AKAP9: variants seen among roughly 807,000 people sequenced by gnomAD.
The protein encoded by AKAP9 is A-kinase anchor protein 9.
Under a neutral mutation model 488.5 loss-of-function variants are expected in AKAP9, and 311 were observed. That is an observed-to-expected ratio of 0.64 (90% CI 0.58 to 0.70). The LOEUF (loss-of-function observed/expected upper bound fraction) is 0.70. AKAP9 is among the 30% of genes least tolerant of loss of function. The pLI is 0.00. For synonymous variants in AKAP9, 1,462 were observed against 1,483.5 expected (o/e 0.99, Z 0.33); for missense variants, 4,215 against 4,374.5 (o/e 0.96, Z 1.03).
intron 24 of AKAP9, chr7:92,063,446 T>TC (rs1554441340): frequency 3.3e-5 from 32 of 977,916 alleles, no homozygotes; most frequent in Admixed American, 6.2e-5. Flanking sequence ...TTTTTTTTTT[T>TC]TCTCTATTTT....
At chr7:91,997,306 G>A (rs946851455) in intron 7 of AKAP9, among the ~76,000 whole-genome samples, 6 of 152,156 alleles carry the variant, frequency 3.9e-5, no homozygotes, top group Non-Finnish European at 7.4e-5. Flanking sequence ...ATAAGTGTGG[G>A]CAAAAAGTGC....
At chr7:91,978,510 T>G (rs1035001736) in intron 2 of AKAP9, among the ~76,000 whole-genome samples, 1 of 152,162 alleles carries the variant, frequency 6.6e-6, no homozygotes, top group Non-Finnish European at 1.5e-5. Flanking sequence ...TCAGAAAATT[T>G]GGATTTGTTC....
chr7:91,972,933 T>G (rs1454665373), intron 1 of AKAP9, among the ~76,000 whole-genome samples: 1 of 152,220 alleles, frequency 6.6e-6, no homozygotes, highest in Admixed American at 6.5e-5. Flanking sequence ...TGAATAAGGC[T>G]GCAGTGACCA....
At chr7:92,044,248 A>T (rs1297284572) in intron 20 of AKAP9, among the ~76,000 whole-genome samples, 1 of 152,162 alleles carries the variant, frequency 6.6e-6, no homozygotes, top group South Asian at 2.1e-4. Flanking sequence ...TAAAATAAGG[A>T]TTACTTTTTA....
intron 37 of AKAP9, 94 bp from the exon 38 acceptor site, chr7:92,089,291 G>T: frequency 7.1e-7 from 1 of 1,416,194 alleles, no homozygotes; most frequent in South Asian, 1.2e-5. Context: ...ATTTTAGTAT[G>T]TGTGTTCCAT....
intron 3 of AKAP9, among the ~76,000 whole-genome samples, chr7:91,985,076 T>C (rs1452890862): frequency 1.3e-5 from 2 of 152,190 alleles, no homozygotes; most frequent in African/African-American, 2.4e-5. Flanking sequence ...CGATTTGACT[T>C]CCTCTTTTCC....
At chr7:91,963,875 G>T (rs1794090855) in intron 1 of AKAP9, among the ~76,000 whole-genome samples, 1 of 152,076 alleles carries the variant, frequency 6.6e-6, no homozygotes, top group Non-Finnish European at 1.5e-5. Flanking sequence ...TTATTTTTAT[G>T]ATAAATTTTC....
intron 1 of AKAP9, among the ~76,000 whole-genome samples, chr7:91,946,742 C>CT (rs1254916867): frequency 1.3e-5 from 2 of 152,106 alleles, no homozygotes; most frequent in African/African-American, 4.8e-5. Flanking sequence ...ACGTGATGCC[C>CT]TGTCAGTGAA....
intron 22 of AKAP9, among the ~76,000 whole-genome samples, chr7:92,054,063 G>A (rs138469363): frequency 6.6e-6 from 1 of 152,108 alleles, no homozygotes; most frequent in Non-Finnish European, 1.5e-5. Flanking sequence ...TATTTCTTAA[G>A]TGAATAATAT....
At position 92,099,756 on chromosome 7, in the gene AKAP9, C is replaced by T. The variant is rs925008570; in HGVS notation, c.10783C>T (p.Leu3595=). Residue 3595 remains leucine, a synonymous_variant, in exon 44 of 50, where the codon CTG becomes TTG. Transcript: ENST00000356239. ...AAGACTACTGAGACAAAATGCTGAGCTGACAGGGCATATCAGTCAACTGAC... is the reference window on the plus strand; with the variant it reads ...AAGACTACTGAGACAAAATGCTGAGTTGACAGGGCATATCAGTCAACTGAC... ...TERLLRQNAE[L]TGHISQLTEE... 1 of 1,614,120 alleles carries T rather than the reference C, an allele frequency of 6.2e-7. No homozygotes were observed. Among genetic ancestry groups the T allele is most frequent in the African/African-American group, 1.3e-5 (1 of 75,040 alleles).
At chr7:91,988,744 A>G (rs938304069) in intron 3 of AKAP9, among the ~76,000 whole-genome samples, 2 of 152,156 alleles carry the variant, frequency 1.3e-5, no homozygotes, top group African/African-American at 4.8e-5. Flanking sequence ...ATACTTCATC[A>G]CCTTTGAACT....
chr7:92,009,995 T>C (rs1800464581), intron 8 of AKAP9, among the ~76,000 whole-genome samples: 1 of 152,166 alleles, frequency 6.6e-6, no homozygotes, highest in Non-Finnish European at 1.5e-5. Flanking sequence ...TCCTCCCAAT[T>C]CAGCCTCCCA....
intron 2 of AKAP9, among the ~76,000 whole-genome samples, chr7:91,976,853 A>G (rs1343834341): frequency 6.6e-6 from 1 of 151,742 alleles, no homozygotes; most frequent in Non-Finnish European, 1.5e-5. Flanking sequence ...TCTTCGTTTT[A>G]TTGATATTCT....
At position 92,062,175 on chromosome 7, in the gene AKAP9, A is replaced by G. The variant is rs1584378153; in HGVS notation, c.5765-99A>G. 2.8e-6 allele frequency: 3 copies of G among 1,069,464 alleles called. No homozygotes were observed. The East Asian group carries it at 7.4e-5, about 26-fold the overall frequency. 66.2% of individuals were successfully genotyped at this position (1,069,464 alleles called of 1,614,324 possible). A position where few individuals can be genotyped will look rare whatever the true frequency, so the allele number is the denominator to read the frequency against. On this transcript the variant is annotated intron_variant, in intron 23 of 49. Coordinates refer to ENST00000356239, the MANE Select transcript of AKAP9 (RefSeq NM_005751.5). ...CTTTTAATAGGTTGGAATGATGGAA[A>G]GTTTTGCTAACAGTATACCTTTTGT...
chr7:91,966,542 G>A (rs1794465371), intron 1 of AKAP9, among the ~76,000 whole-genome samples: 1 of 152,196 alleles, frequency 6.6e-6, no homozygotes, highest in South Asian at 2.1e-4. Context: ...AAAATGTTTT[G>A]TAAATATCAA....
intron 6 of AKAP9, 125 bp from the exon 7 acceptor site, chr7:91,995,478 A>G (rs745678189): frequency 3.9e-6 from 3 of 770,634 alleles, no homozygotes; most frequent in Non-Finnish European, 4.3e-6. Flanking sequence ...CCAAGGTAGC[A>G]TGTTTGCTAG....
chr7:92,004,824 G>A (rs905715548), intron 8 of AKAP9, among the ~76,000 whole-genome samples: 1 of 152,142 alleles, frequency 6.6e-6, no homozygotes, highest in East Asian at 1.9e-4. Context: ...TCTCCTGCCT[G>A]ATTTCCCTGG....
At chr7:92,015,366 ATTT>A (rs11345067) in intron 10 of AKAP9, among the ~76,000 whole-genome samples, 10 of 137,878 alleles carry the variant, frequency 7.3e-5, no homozygotes, top group Non-Finnish European at 6.2e-5. Context: ...TGTGTTAGGA[ATTT>A]TTTTTTTTTT....
In AKAP9 at chr7:92,108,358, A is replaced by G. The variant is rs532049328; in HGVS notation, c.11547-136A>G. The stretch of plus-strand genomic sequence containing the variant: ...TGTCTCTTTCTCATCCCAAGCTCCA[A>G]AGCTGAAGCTTGGAGGAGATACATT... On this transcript the variant is annotated intron_variant, in intron 48 of 49. Coordinates refer to ENST00000356239, the MANE Select transcript of AKAP9 (RefSeq NM_005751.5). The G allele has an allele frequency of 7.2e-6, 6 of 833,546 alleles. No homozygotes were observed. In the Admixed American group the frequency reaches 1.1e-4, roughly 15 times the overall value. The allele number at this position is 833,546 out of a possible 1,614,324, so 51.6% of individuals were successfully genotyped here.
Sources: allele counts gnomAD v4.1 joint callset (sites outside exome capture counted in the v4.1 genomes callset), GRCh38; gene constraint gnomAD v4.1.1; transcripts MANE v1.5; gene names NCBI Gene and HGNC (gene_info 2026-07-23, HGNC 2026-07-21).